The following NSD1 variants were observed in gnomAD, a reference collection of about 807,000 sequenced individuals.
NSD1 encodes the protein histone-lysine N-methyltransferase, H3 lysine-36 specific.
In NSD1, 26 loss-of-function variants were observed where a neutral mutation model predicts 242.7. The observed-to-expected ratio is 0.11, with a 90% confidence interval of 0.08 to 0.15. The LOEUF is 0.15. Among genes scored for constraint, NSD1 ranks in the 10% least tolerant of loss-of-function variants. NSD1 has a pLI of 1.00. For missense variants in NSD1, 2,495 were observed against 3,272.8 expected, an observed-to-expected ratio of 0.76 and a Z score of 5.80; for synonymous variants, 1,106 against 1,178.1, an observed-to-expected ratio of 0.94 and a Z score of 1.25.
intron 5 of NSD1, among the ~76,000 whole-genome samples, chr5:177,227,329 T>C (rs1260170759): frequency 1.3e-5 from 2 of 152,186 alleles, no homozygotes; most frequent in South Asian, 4.1e-4. Context: ...TAAATACATA[T>C]GGCATTAAAA....
rs934319394 is a variant in NSD1, at chr5:177,218,845, A to T, written c.3796+6650A>T. On this transcript the variant is annotated intron_variant, in intron 5 of 22. Coordinates refer to ENST00000439151, the MANE Select transcript of NSD1 (RefSeq NM_022455.5). ...CGGCCTCTCAAAGTGCTGGGATTAC[A>T]TGCATGAGCCACCGCGCCCGGCCCC... 3.4e-4 allele frequency among the ~76,000 whole-genome samples: 51 copies of T among 151,504 alleles called. 2 individuals are homozygous for T.
At chr5:177,149,146 C>T (rs1219535615) in intron 2 of NSD1, among the ~76,000 whole-genome samples, 1 of 152,102 alleles carries the variant, frequency 6.6e-6, no homozygotes, top group East Asian at 1.9e-4. Context: ...TGCATCCTCA[C>T]CAGCATTTGG....
At chr5:177,176,020 C>T (rs980717642) in intron 2 of NSD1, among the ~76,000 whole-genome samples, 1 of 151,952 alleles carries the variant, frequency 6.6e-6, no homozygotes, top group East Asian at 1.9e-4. Context: ...GGATTATAGG[C>T]ACATGCCAAC....
rs552059377 is a variant in NSD1, at chr5:177,218,349, T to C, written c.3796+6154T>C. 8.5e-5 allele frequency among the ~76,000 whole-genome samples: 13 copies of C among 152,242 alleles called. No homozygotes were observed. The South Asian group carries it at 2.7e-3, about 32-fold the overall frequency. On this transcript the variant is annotated intron_variant, in intron 5 of 22. Transcript: ENST00000439151. Reference sequence around the variant, plus strand: ...CAGGTGTGAGCCACCATACCTGGCATGTAATTTCTTTTTATTCCTAGTTTG... The same window carrying C: ...CAGGTGTGAGCCACCATACCTGGCACGTAATTTCTTTTTATTCCTAGTTTG...
chr5:177,150,473 T>C (rs189998510), intron 2 of NSD1, among the ~76,000 whole-genome samples: 1 of 149,628 alleles, frequency 6.7e-6, no homozygotes, highest in Non-Finnish European at 1.5e-5. Flanking sequence ...TTAGATAATT[T>C]GTTAGGAAAC....
intron 4 of NSD1, among the ~76,000 whole-genome samples, chr5:177,205,141 A>G (rs1323064591): frequency 9.2e-5 from 14 of 152,132 alleles, no homozygotes; most frequent in Non-Finnish European, 1.5e-5. Flanking sequence ...GGTTTGAGCC[A>G]TTCTTGTGCC....
chr5:177,283,891 C>G lies in NSD1; in HGVS notation c.6114C>G (p.Thr2038=). ...AGAAGTGGTCTGTGAATGGAGATAC[C>G]CGTGTAGGCCTTTTTGCACTAAGTG... ...ETQKWSVNGD[T]RVGLFALSDI... Residue 2038 remains threonine, a synonymous_variant, in exon 20 of 23, where the codon ACC becomes ACG. Coordinates refer to ENST00000439151, the MANE Select transcript of NSD1 (RefSeq NM_022455.5). 1 of 1,614,140 alleles carries G rather than the reference C, an allele frequency of 6.2e-7. No individual in the cohort carries two copies. Among genetic ancestry groups the G allele is most frequent in the Non-Finnish European group, 8.5e-7 (1 of 1,180,012 alleles).
intron 5 of NSD1, among the ~76,000 whole-genome samples, chr5:177,233,380 A>T (rs1481795807): frequency 1.4e-5 from 2 of 147,258 alleles, no homozygotes; most frequent in South Asian, 2.2e-4. Flanking sequence ...CAAGGCATAA[A>T]TTTTTTTTTT....
intron 4 of NSD1, among the ~76,000 whole-genome samples, chr5:177,205,850 GTCTC>G (rs1228824633): frequency 9.9e-5 from 15 of 152,000 alleles, no homozygotes; most frequent in African/African-American, 3.6e-4. Context: ...TGATACGGGG[GTCTC>G]TCTATGTTGT....
intron 2 of NSD1, among the ~76,000 whole-genome samples, chr5:177,190,687 C>T (rs1478590011): frequency 2.7e-5 from 4 of 149,756 alleles, no homozygotes; most frequent in Non-Finnish European, 4.5e-5. Context: ...TTTTTTTTTC[C>T]GAGACGGAGT....
chr5:177,192,735 T>C (rs961177963), intron 3 of NSD1, among the ~76,000 whole-genome samples: 27 of 152,310 alleles, frequency 1.8e-4, no homozygotes, highest in African/African-American at 6.0e-4. Flanking sequence ...TTCACCATGT[T>C]GGCCAGGCTG....
At chr5:177,245,777 A>G (rs1398175474) in intron 9 of NSD1, among the ~76,000 whole-genome samples, 1 of 151,546 alleles carries the variant, frequency 6.6e-6, no homozygotes, top group Non-Finnish European at 1.5e-5. Flanking sequence ...CTGGGACTAC[A>G]GATGTACTCC....
chr5:177,279,513 GAAT>G (rs1021164570), intron 17 of NSD1, among the ~76,000 whole-genome samples: 1 of 148,438 alleles, frequency 6.7e-6, no homozygotes, highest in Non-Finnish European at 1.5e-5. Flanking sequence ...AAGGAAGGAA[GAAT>G]AATGCCTATT....
chr5:177,156,009 TG>T (rs1226266710), intron 2 of NSD1, among the ~76,000 whole-genome samples: 1 of 151,502 alleles, frequency 6.6e-6, no homozygotes, highest in Non-Finnish European at 1.5e-5. Flanking sequence ...CTGGCCTGCA[TG>T]GGGATTCTTA....
chr5:177,289,987 C>T (rs1303741043), intron 21 of NSD1, among the ~76,000 whole-genome samples: 1 of 151,502 alleles, frequency 6.6e-6, no homozygotes, highest in Non-Finnish European at 1.5e-5. Flanking sequence ...GCCACCATGC[C>T]CGGCTAATTT....
chr5:177,291,782 C>T (rs1157492345), intron 21 of NSD1, among the ~76,000 whole-genome samples, 172 bp from the exon 22 acceptor site: 2 of 152,130 alleles, frequency 1.3e-5, no homozygotes, highest in Non-Finnish European at 2.9e-5. Flanking sequence ...GTAGTTGATA[C>T]AAAAATTATT....
intron 5 of NSD1, among the ~76,000 whole-genome samples, chr5:177,222,614 T>C (rs948907755): frequency 2.6e-5 from 4 of 152,230 alleles, no homozygotes; most frequent in Non-Finnish European, 5.9e-5. Flanking sequence ...TATTTTCATA[T>C]ACTTTTGGGT....
chr5:177,235,831 A>G lies in NSD1; in HGVS notation c.3807A>G (p.Ser1269=), dbSNP rs1200410656. The G allele has an allele frequency of 1.9e-6, 3 of 1,614,034 alleles. No individual in the cohort carries two copies. The highest frequency in any genetic ancestry group is 1.3e-5 in the African/African-American group (1 of 75,046). The part of the protein sequence containing the change: ...QAELPEPAVR[S]EKKRLRKPSK... ...TTTATCATCTTTTAGCTGTGCGGTC[A>G]GAGAAGAAACGCCTTAGGAAGCCAA... The change falls in exon 6 of 23, where the codon TCA becomes TCG. Residue 1269 remains serine (S), a synonymous_variant. Transcript: ENST00000439151.
intron 3 of NSD1, among the ~76,000 whole-genome samples, chr5:177,196,713 A>G (rs1350511433): frequency 6.6e-6 from 1 of 152,242 alleles, no homozygotes; most frequent in African/African-American, 2.4e-5. Flanking sequence ...AAAAGATACT[A>G]TGAGACAAAA....
Sources: gnomAD v4.1 joint callset for allele counts (sites outside exome capture counted in the v4.1 genomes callset) on GRCh38, gnomAD v4.1.1 for gene constraint, MANE v1.5 for transcripts, NCBI Gene and HGNC (gene_info 2026-07-23, HGNC 2026-07-21) for gene names.